Variants in PUDP observed in about 807,000 individuals in gnomAD.
The protein encoded by PUDP is pseudouridine 5'-phosphatase.
In PUDP, 8 loss-of-function variants were observed where a neutral mutation model predicts 9.4. The ratio of observed to expected loss-of-function variants is 0.85; its 90% CI spans 0.50 to 1.53. The LOEUF is 1.53. PUDP is among the 40% of genes most tolerant of loss of function. The probability of loss-of-function intolerance (pLI) is 0.00; values close to 1 mark genes in which losing one functional copy is unlikely to be tolerated. For synonymous variants in PUDP, 99 were observed against 80.7 expected (o/e 1.23, Z -1.22); for missense variants, 188 against 189.7 (o/e 0.99, Z 0.05).
intron 1 of PUDP, among the ~76,000 whole-genome samples, chrX:7,120,320 C>T (rs993387415): frequency 7.2e-5 from 8 of 110,474 alleles, no homozygotes; most frequent in African/African-American, 2.6e-4. Flanking sequence ...TTATAAGAGG[C>T]GGCCAGGAGG....
At chrX:6,964,103 G>A (rs1042735956) in intron 3 of PUDP, among the ~76,000 whole-genome samples, 1 of 111,747 alleles carries the variant, frequency 8.9e-6, no homozygotes, top group African/African-American at 3.3e-5. Context: ...GGCAACACGG[G>A]GCTTTATTTA....
chrX:6,831,723 CCAGT>C (rs1926506960), intron 3 of PUDP, among the ~76,000 whole-genome samples: 1 of 111,788 alleles, frequency 8.9e-6, no homozygotes, highest in Non-Finnish European at 1.9e-5. Context: ...TTACTAGGTG[CCAGT>C]CATTTTCAGC....
At chrX:6,876,950 TACACACACACACAC>T (rs747481639) in intron 3 of PUDP, among the ~76,000 whole-genome samples, 1 of 92,534 alleles carries the variant, frequency 1.1e-5, no homozygotes, top group African/African-American at 3.8e-5. Flanking sequence ...CATATATGTG[TACACACACACACAC>T]ACACACACAC....
intron 3 of PUDP, among the ~76,000 whole-genome samples, chrX:6,875,095 G>T (rs1268857719): frequency 9.0e-6 from 1 of 111,629 alleles, no homozygotes; most frequent in Non-Finnish European, 1.9e-5. Context: ...TAGAGACAGG[G>T]TTTTGCTCTG....
intron 3 of PUDP, among the ~76,000 whole-genome samples, chrX:6,797,280 C>G (rs759270039): frequency 9.0e-6 from 1 of 111,400 alleles, no homozygotes; most frequent in Non-Finnish European, 1.9e-5. Flanking sequence ...AGCTTTTAAT[C>G]ATTATCATAG....
intron 3 of PUDP, among the ~76,000 whole-genome samples, chrX:6,854,168 TATA>T (rs1389993331): frequency 1.7e-4 from 19 of 111,955 alleles, no homozygotes; most frequent in African/African-American, 6.2e-4. Context: ...TTTAATCTTC[TATA>T]ATGTGTATAT....
intron 3 of PUDP, among the ~76,000 whole-genome samples, chrX:6,947,008 T>G: frequency 9.2e-6 from 1 of 108,937 alleles, no homozygotes; most frequent in Non-Finnish European, 1.9e-5. Context: ...TTTGTTTTTT[T>G]TTTTTTAATT....
At chrX:7,106,208 A>C (rs2146898873) in intron 1 of PUDP, among the ~76,000 whole-genome samples, 1 of 113,118 alleles carries the variant, frequency 8.8e-6, no homozygotes, top group African/African-American at 3.2e-5. Context: ...ACAACATGGA[A>C]GCCAGCACCA....
At chrX:7,028,232 G>A (rs1948358849) in intron 1 of PUDP, among the ~76,000 whole-genome samples, 1 of 109,981 alleles carries the variant, frequency 9.1e-6, no homozygotes, top group Admixed American at 9.8e-5. Flanking sequence ...ATTGTAAGGA[G>A]GAAGATAATG....
intron 3 of PUDP, among the ~76,000 whole-genome samples, chrX:6,780,854 C>T (rs6639671): frequency 0.48 from 52,756 of 108,871 alleles, 9,938 homozygotes; most frequent in Middle Eastern, 0.59. Context: ...GCCAGGAGTT[C>T]GAGACCAGCC....
At chrX:6,801,198 T>A (rs1258815542) in intron 3 of PUDP, among the ~76,000 whole-genome samples, 1 of 112,384 alleles carries the variant, frequency 8.9e-6, no homozygotes, top group East Asian at 2.8e-4. Flanking sequence ...TTTTGTTTCC[T>A]TCCAGTTGGC....
chrX:7,083,899 AC>A (rs1229316452), intron 2 of PUDP, among the ~76,000 whole-genome samples: 2 of 109,163 alleles, frequency 1.8e-5, no homozygotes, highest in Non-Finnish European at 3.8e-5. Context: ...AACAACAACA[AC>A]AACAAAAAAA....
chrX:7,001,314 T>C, intron 1 of PUDP, among the ~76,000 whole-genome samples: 2 of 111,500 alleles, frequency 1.8e-5, no homozygotes, highest in Middle Eastern at 4.9e-3. Flanking sequence ...TGACAAGTTA[T>C]AGCATAATCT....
chrX:6,859,330 G>T (rs1926962343), intron 3 of PUDP, among the ~76,000 whole-genome samples: 1 of 111,831 alleles, frequency 8.9e-6, no homozygotes, highest in Admixed American at 9.5e-5. Context: ...AACAGTGGGA[G>T]AAACCTGACA....
rs748442812 is a variant in PUDP, at chrX:6,884,669, C to T, written c.*247+92464G>A. The stretch of plus-strand genomic sequence containing the variant: ...GCCTGCAGCTCTCCAACCGAAAGCG[C>T]TAAGCCCAGAAACAGGTACAACGTG... On this transcript the variant is annotated intron_variant and NMD_transcript_variant, in intron 3 of 3. Coordinates refer to the PUDP transcript ENST00000655425. Among the ~76,000 whole-genome samples, 5 of 112,031 alleles carry T rather than the reference C, an allele frequency of 4.5e-5. No homozygotes were observed. The East Asian group carries it at 1.1e-3, about 25-fold the overall frequency.
At chrX:7,056,295 T>C (rs1367887371) in intron 3 of PUDP, among the ~76,000 whole-genome samples, 1 of 111,584 alleles carries the variant, frequency 9.0e-6, no homozygotes, top group African/African-American at 3.3e-5. Flanking sequence ...CACGGCTCCC[T>C]TCTCTTTTCT....
At chrX:6,962,997 A>C (rs187704515) in intron 3 of PUDP, among the ~76,000 whole-genome samples, 1 of 113,056 alleles carries the variant, frequency 8.8e-6, no homozygotes, top group African/African-American at 3.2e-5. Flanking sequence ...GCACAGGCTA[A>C]GTTGCAGCAT....
intron 3 of PUDP, among the ~76,000 whole-genome samples, chrX:7,066,905 G>GCA (rs1450651449): frequency 1.8e-5 from 2 of 110,231 alleles, no homozygotes; most frequent in East Asian, 5.8e-4. Flanking sequence ...ACATGCATGC[G>GCA]CACACACACA....
chrX:7,104,735 G>A (rs774810339), intron 2 of PUDP, among the ~76,000 whole-genome samples: 11 of 112,019 alleles, frequency 9.8e-5, no homozygotes, highest in Admixed American at 9.5e-5. Context: ...AGTGGATGCA[G>A]ACAGAGTGAT....
Sources: allele counts gnomAD v4.1 joint callset (sites outside exome capture counted in the v4.1 genomes callset), GRCh38; gene constraint gnomAD v4.1.1; transcripts MANE v1.5; gene names NCBI Gene and HGNC (gene_info 2026-07-23, HGNC 2026-07-21).